Variants in ZFAT observed in about 807,000 individuals in gnomAD.
The protein encoded by ZFAT is zinc finger protein ZFAT.
Under a neutral mutation model 117.7 loss-of-function variants are expected in ZFAT, and 64 were observed. The ratio of observed to expected loss-of-function variants is 0.54; its 90% confidence interval spans 0.44 to 0.67. ZFAT has a LOEUF of 0.67. ZFAT is among the 30% of genes least tolerant of loss of function. ZFAT has a pLI of 0.00. For synonymous variants in ZFAT, 679 were observed against 615.0 expected (o/e 1.10, Z -1.54); for missense variants, 1,433 against 1,584.5 (o/e 0.90, Z 1.62).
At chr8:134,650,177 T>G (rs112408557) in intron 2 of ZFAT, among the ~76,000 whole-genome samples, 4 of 151,076 alleles carry the variant, frequency 2.6e-5, no homozygotes, top group Non-Finnish European at 5.9e-5. Context: ...GGCTGGAGTG[T>G]AGTGGTGCCA....
the ZFAT span, among the ~76,000 whole-genome samples, chr8:134,768,636 T>A: frequency 2.6e-5 from 4 of 152,170 alleles, no homozygotes; most frequent in East Asian, 1.9e-4. Flanking sequence ...TCAGGCCTCA[T>A]GAGACATATT....
chr8:134,768,111 A>G, the ZFAT span, among the ~76,000 whole-genome samples: 1 of 152,134 alleles, frequency 6.6e-6, no homozygotes, highest in Non-Finnish European at 1.5e-5. Context: ...TTGTTTTTAC[A>G]AATTGAAGGT....
At chr8:134,496,874 C>T (rs887705537) in intron 15 of ZFAT, among the ~76,000 whole-genome samples, 1 of 152,244 alleles carries the variant, frequency 6.6e-6, no homozygotes, top group Non-Finnish European at 1.5e-5. Context: ...TATTCCCTTC[C>T]TAATTGCCCC....
intron 10 of ZFAT, among the ~76,000 whole-genome samples, chr8:134,573,734 C>T (rs1446712063): frequency 2.6e-5 from 4 of 152,248 alleles, no homozygotes; most frequent in Non-Finnish European, 1.5e-5. Context: ...TCTCTCTCCA[C>T]TTTCAAGTGT....
the ZFAT span, among the ~76,000 whole-genome samples, chr8:134,725,466 T>C: frequency 6.6e-6 from 1 of 151,976 alleles, no homozygotes; most frequent in Non-Finnish European, 1.5e-5. Flanking sequence ...ATGGCCAGCG[T>C]AGGAGCAAGA....
intron 11 of ZFAT, among the ~76,000 whole-genome samples, chr8:134,555,824 AAT>A (rs1163198350): frequency 4.0e-5 from 6 of 151,812 alleles, no homozygotes; most frequent in African/African-American, 1.5e-4. Context: ...GGAAAAAAAA[AAT>A]AAAAAACATG....
the ZFAT span, among the ~76,000 whole-genome samples, chr8:134,749,690 T>C: frequency 1.3e-5 from 2 of 152,214 alleles, no homozygotes; most frequent in African/African-American, 2.4e-5. Flanking sequence ...ATCTCAATGT[T>C]TCCAATATGA....
the ZFAT span, among the ~76,000 whole-genome samples, chr8:134,726,650 A>G: frequency 3.0e-4 from 45 of 152,262 alleles, no homozygotes; most frequent in African/African-American, 9.9e-4. Flanking sequence ...GTTGGAGTGC[A>G]GTGCTGCGAT....
chr8:134,600,154 C>G, intron 7 of ZFAT: 1 of 469,820 alleles, frequency 2.1e-6, no homozygotes, highest in South Asian at 2.4e-5. Context: ...TCTGACTTTA[C>G]TTCTACTCTA....
chr8:134,793,895 C>G, the ZFAT span: 11 of 152,202 alleles, frequency 7.2e-5, no homozygotes, highest in South Asian at 2.3e-3. Flanking sequence ...CACAAACACA[C>G]AATAAAATAA....
chr8:134,831,038 G>A, the ZFAT span, among the ~76,000 whole-genome samples: 2 of 152,212 alleles, frequency 1.3e-5, no homozygotes, highest in African/African-American at 2.4e-5. Context: ...GGGTGGCACC[G>A]GGTCAATGCG....
At chr8:134,728,463 T>C in the ZFAT span, among the ~76,000 whole-genome samples, 1 of 152,150 alleles carries the variant, frequency 6.6e-6, no homozygotes, top group African/African-American at 2.4e-5. Flanking sequence ...ACACCAATAA[T>C]TCAGCAGTAG....
At chr8:134,828,685 T>A in the ZFAT span, among the ~76,000 whole-genome samples, 1 of 152,234 alleles carries the variant, frequency 6.6e-6, no homozygotes, top group East Asian at 1.9e-4. Flanking sequence ...TCCTTTTTTT[T>A]CTACATAAGC....
At chr8:134,672,260 A>AGTTC (rs1832597074) in intron 1 of ZFAT, among the ~76,000 whole-genome samples, 2 of 152,224 alleles carry the variant, frequency 1.3e-5, no homozygotes, top group Admixed American at 1.3e-4. Flanking sequence ...ACTACTTTAA[A>AGTTC]GTTCATATGG....
At chr8:134,630,271 G>C (rs1829797119) in intron 3 of ZFAT, among the ~76,000 whole-genome samples, 1 of 152,130 alleles carries the variant, frequency 6.6e-6, no homozygotes, top group Non-Finnish European at 1.5e-5. Flanking sequence ...GAAAAAATGA[G>C]GGTTTACAGG....
At chr8:134,524,506 T>C (rs1326847168) in intron 12 of ZFAT, among the ~76,000 whole-genome samples, 2 of 152,254 alleles carry the variant, frequency 1.3e-5, no homozygotes, top group Non-Finnish European at 2.9e-5. Context: ...CTTCATTACT[T>C]AGGCCAGTGG....
At chr8:134,490,093 G>A (rs1817942445) in intron 15 of ZFAT, among the ~76,000 whole-genome samples, 1 of 152,204 alleles carries the variant, frequency 6.6e-6, no homozygotes, top group East Asian at 1.9e-4. Flanking sequence ...TCTCACTCTA[G>A]GTGTGACCAC....
At chr8:134,612,244 C>T (rs544169175) in intron 3 of ZFAT, among the ~76,000 whole-genome samples, 39 of 152,322 alleles carry the variant, frequency 2.6e-4, no homozygotes, top group Middle Eastern at 3.4e-3. Context: ...AAGCAGGGTG[C>T]GCAAGCGCAA....
chr8:134,646,080 G>A (rs1446523110), intron 2 of ZFAT, among the ~76,000 whole-genome samples: 1 of 151,972 alleles, frequency 6.6e-6, no homozygotes, highest in African/African-American at 2.4e-5. Flanking sequence ...GTGGTGGCGG[G>A]CGCCTGTAGT....
Sources: allele counts gnomAD v4.1 joint callset (sites outside exome capture counted in the v4.1 genomes callset), GRCh38; gene constraint gnomAD v4.1.1; transcripts MANE v1.5; gene names NCBI Gene and HGNC (gene_info 2026-07-23, HGNC 2026-07-21).